The following DCLK2 variants were observed in gnomAD, a reference collection of about 807,000 sequenced individuals.
DCLK2 encodes serine/threonine-protein kinase DCLK2.
A neutral mutation model predicts 78.4 loss-of-function variants in DCLK2; 31 were observed. The ratio of observed to expected loss-of-function variants is 0.40; its 90% CI spans 0.30 to 0.53. DCLK2 has a LOEUF of 0.53. Among genes scored for constraint, DCLK2 ranks in the 20% least tolerant of loss-of-function variants. The probability of loss-of-function intolerance (pLI) is 0.61; values close to 1 mark genes in which losing one functional copy is unlikely to be tolerated. For synonymous variants in DCLK2, 407 were observed against 374.9 expected (o/e 1.09, Z -0.99); for missense variants, 872 against 973.7 (o/e 0.90, Z 1.39).
chr4:150,221,779 T>C lies in DCLK2; in HGVS notation c.1235T>C (p.Ile412Thr). Residue 412 changes from isoleucine (I) to threonine (T), a missense_variant, in exon 7 of 16, where the codon ATA becomes ACA. Transcript: ENST00000296550. ...AATTTTGCAGTAGTCAAAGAGTGTA[T>C]AGACAGGTGAGTGGACAGTGAGGAT... is the stretch of plus-strand genomic sequence containing the variant. ...DGNFAVVKEC[I>T]DRSTGKEFAL... 5 of 1,570,804 alleles carry C rather than the reference T, an allele frequency of 3.2e-6. No homozygotes were observed. The highest frequency in any genetic ancestry group is 4.3e-6 in the Non-Finnish European group (5 of 1,153,746).
intron 2 of DCLK2, among the ~76,000 whole-genome samples, chr4:150,184,624 C>A (rs545712210): frequency 2.7e-4 from 37 of 136,534 alleles, no homozygotes; most frequent in Non-Finnish European, 4.7e-4. Context: ...TTTTTTGAGA[C>A]GGAGTCTCAC....
chr4:150,095,943 C>G (rs138814955), intron 1 of DCLK2, among the ~76,000 whole-genome samples: 10 of 152,184 alleles, frequency 6.6e-5, no homozygotes, highest in African/African-American at 2.4e-4. Context: ...ATGTAGGAAC[C>G]TGCAGGGAAG....
At chr4:150,129,547 C>G (rs1430963137) in intron 2 of DCLK2, among the ~76,000 whole-genome samples, 2 of 151,952 alleles carry the variant, frequency 1.3e-5, no homozygotes. Flanking sequence ...TGGTAAAACT[C>G]TGTCTCTACT....
chr4:150,228,311 C>T (rs965206609), intron 8 of DCLK2, among the ~76,000 whole-genome samples: 1 of 152,210 alleles, frequency 6.6e-6, no homozygotes, highest in African/African-American at 2.4e-5. Flanking sequence ...ATATTTATCA[C>T]AGAAATCACG....
At chr4:150,197,828 T>G (rs72969281) in intron 3 of DCLK2, among the ~76,000 whole-genome samples, 174 bp from the exon 4 acceptor site, 3,281 of 151,954 alleles carry the variant, frequency 0.022, 108 homozygotes, top group African/African-American at 0.071. Flanking sequence ...ATGTGTAGCC[T>G]GACTGAAGGT....
intron 4 of DCLK2, among the ~76,000 whole-genome samples, chr4:150,198,606 T>A (rs1739232673): frequency 6.6e-6 from 1 of 152,220 alleles, no homozygotes; most frequent in South Asian, 2.1e-4. Context: ...TCAAACAGTA[T>A]AATTAAGTTT....
intron 2 of DCLK2, 89 bp downstream of exon 2, chr4:150,102,901 G>C (rs1730986279): frequency 8.0e-7 from 1 of 1,243,378 alleles, no homozygotes; most frequent in Admixed American, 2.6e-5. Flanking sequence ...AAATTTAGTA[G>C]TGTGCTAGAA....
intron 2 of DCLK2, among the ~76,000 whole-genome samples, chr4:150,153,855 G>A (rs571657655): frequency 1.4e-4 from 22 of 152,282 alleles, no homozygotes; most frequent in African/African-American, 5.3e-4. Context: ...AAGCCCAAGT[G>A]CTTTGTCCTC....
At chr4:150,206,660 A>G (rs534028999) in intron 5 of DCLK2, among the ~76,000 whole-genome samples, 3 of 152,144 alleles carry the variant, frequency 2.0e-5, no homozygotes, top group South Asian at 2.1e-4. Flanking sequence ...TAGGAAGTCT[A>G]TTTTTTGTCC....
At chr4:150,130,559 G>C (rs1345193645) in intron 2 of DCLK2, among the ~76,000 whole-genome samples, 1 of 152,106 alleles carries the variant, frequency 6.6e-6, no homozygotes, top group Non-Finnish European at 1.5e-5. Flanking sequence ...GGACATAGTA[G>C]GAAATAAGCT....
chr4:150,164,185 T>C (rs1323684959), intron 2 of DCLK2, among the ~76,000 whole-genome samples: 2 of 152,246 alleles, frequency 1.3e-5, no homozygotes, highest in African/African-American at 4.8e-5. Context: ...TTAAGACAGT[T>C]GATTTTAACC....
intron 1 of DCLK2, among the ~76,000 whole-genome samples, chr4:150,091,415 A>G (rs1311825927): frequency 6.6e-6 from 1 of 152,090 alleles, no homozygotes; most frequent in Non-Finnish European, 1.5e-5. Flanking sequence ...TTTCTGTGTT[A>G]CCATATTTAA....
intron 12 of DCLK2, among the ~76,000 whole-genome samples, chr4:150,242,310 A>G (rs896414666): frequency 2.0e-5 from 3 of 152,216 alleles, no homozygotes; most frequent in African/African-American, 7.2e-5. Context: ...AAGATGTAGC[A>G]TTTGAGTGAG....
intron 5 of DCLK2, among the ~76,000 whole-genome samples, chr4:150,210,039 C>T (rs1050392477): frequency 1.3e-5 from 2 of 152,194 alleles, no homozygotes; most frequent in Non-Finnish European, 1.5e-5. Flanking sequence ...CCTGCCACTT[C>T]ATTCCAGCCT....
intron 2 of DCLK2, among the ~76,000 whole-genome samples, chr4:150,187,516 AG>A (rs1160986249): frequency 6.6e-6 from 1 of 152,116 alleles, no homozygotes; most frequent in Non-Finnish European, 1.5e-5. Flanking sequence ...CACCCTCTTT[AG>A]TACTGCAGCA....
At chr4:150,127,980 G>T (rs6848344) in intron 2 of DCLK2, among the ~76,000 whole-genome samples, 23,419 of 152,250 alleles carry the variant, frequency 0.15, 2,246 homozygotes, top group Non-Finnish European at 0.23. Context: ...AATGAACTTG[G>T]CTCAGAAGGA....
intron 15 of DCLK2, among the ~76,000 whole-genome samples, chr4:150,250,891 C>T (rs1288327311): frequency 5.0e-5 from 4 of 79,240 alleles, no homozygotes; most frequent in Non-Finnish European, 9.3e-5. Context: ...CTCCCCACAC[C>T]CCCCACACCC....
chr4:150,203,881 G>C lies in DCLK2; in HGVS notation c.1048G>C (p.Gly350Arg). ...TCCAACTAGTCCAGGAAGTTTCAGA[G>C]GATTAAAGGTATGAAATAGGATATG... is the stretch of plus-strand genomic sequence containing the variant. ...SSPTSPGSFR[G>R]LKQISAHGRS... Residue 350 changes from glycine to arginine, a missense_variant, in exon 5 of 16, where the codon GGA becomes CGA. This residue lies in a region of DCLK2 where 567 missense variants were observed against 593.4 expected (regional missense o/e 0.96). Transcript: ENST00000296550. 1.2e-6 allele frequency: 2 copies of C among 1,610,992 alleles called. No homozygotes were observed. Among genetic ancestry groups the C allele is most frequent in the Non-Finnish European group, 1.7e-6 (2 of 1,177,410 alleles).
rs772236299 is a variant in DCLK2, at chr4:150,220,719, G to T, written c.1073G>T (p.Gly358Val). ...FRGLKQISAH[G>V]RSSSNVNGGP... ...CTCTTTCAGCAGATTTCTGCTCATG[G>T]CAGATCTTCTTCCAATGTAAACGGT... The change falls in exon 6 of 16, where the codon GGC becomes GTC. Residue 358 changes from glycine to valine, a missense_variant. Physicochemically the swap from Gly to Val is moderately radical, Grantham distance 109. Coordinates refer to ENST00000296550, the MANE Select transcript of DCLK2 (RefSeq NM_001040260.4). The T allele has an allele frequency of 3.7e-6, 6 of 1,613,506 alleles. No homozygotes were observed. The highest frequency in any genetic ancestry group is 5.1e-6 in the Non-Finnish European group (6 of 1,179,772).
Sources: allele counts gnomAD v4.1 joint callset (sites outside exome capture counted in the v4.1 genomes callset), GRCh38; gene constraint gnomAD v4.1.1; regional missense constraint gnomAD v4.1.1; transcripts MANE v1.5; gene names NCBI Gene and HGNC (gene_info 2026-07-23, HGNC 2026-07-21).